SOX5: variants seen among roughly 807,000 people sequenced by gnomAD.
The protein encoded by SOX5 is transcription factor SOX-5.
A neutral mutation model predicts 92.0 loss-of-function variants in SOX5; 9 were observed. The observed-to-expected ratio is 0.10, with a 90% CI of 0.06 to 0.17. SOX5 has a LOEUF of 0.17. SOX5 is among the 10% of genes least tolerant of loss of function. The pLI is 1.00. For missense variants in SOX5, 642 were observed against 944.5 expected (o/e 0.68, Z 4.20); for synonymous variants, 344 against 336.3 (o/e 1.02, Z -0.25).
At position 24,524,634 on chromosome 12, in the gene SOX5, C is replaced by G. The variant is rs1950545856; in HGVS notation, c.-251+37695G>C. Reference sequence around the variant, plus strand: ...ACCATAATGAGATCTCACCTCACACCTGTCAGGACGGCTAGCATCAAAAAA... The same window carrying G: ...ACCATAATGAGATCTCACCTCACACGTGTCAGGACGGCTAGCATCAAAAAA... On this transcript the variant is annotated intron_variant, in intron 1 of 4. Coordinates refer to the SOX5 transcript ENST00000446891. 3.3e-5 allele frequency among the ~76,000 whole-genome samples: 5 copies of G among 152,108 alleles called. No individual in the cohort carries two copies. The South Asian group carries it at 1.0e-3, about 31-fold the overall frequency.
intron 4 of SOX5, among the ~76,000 whole-genome samples, chr12:23,751,771 T>A (rs1283300220): frequency 1.3e-5 from 2 of 151,912 alleles, no homozygotes; most frequent in Non-Finnish European, 2.9e-5. Context: ...TCTTCTAGAA[T>A]ACACAAAATT....
intron 1 of SOX5, among the ~76,000 whole-genome samples, chr12:24,417,292 GT>G: frequency 6.6e-6 from 1 of 152,320 alleles, no homozygotes; most frequent in South Asian, 2.1e-4. Flanking sequence ...TTTGAGGCAG[GT>G]TTTTGTCTAA....
intron 3 of SOX5, among the ~76,000 whole-genome samples, chr12:24,234,899 T>C (rs1964147410): frequency 6.6e-6 from 1 of 152,038 alleles, no homozygotes; most frequent in South Asian, 2.1e-4. Flanking sequence ...TAGCATCTAG[T>C]GGGCACAAGC....
chr12:24,511,414 G>A (rs1284659069), intron 1 of SOX5, among the ~76,000 whole-genome samples: 1 of 152,036 alleles, frequency 6.6e-6, no homozygotes, highest in South Asian at 2.1e-4. Context: ...CATTAACATG[G>A]GAATTAATGA....
intron 2 of SOX5, among the ~76,000 whole-genome samples, chr12:23,883,428 G>A (rs1031934008): frequency 6.6e-6 from 1 of 152,102 alleles, no homozygotes; most frequent in Non-Finnish European, 1.5e-5. Context: ...CTTTTGTTCT[G>A]ATAAATAATC....
chr12:24,319,775 A>G (rs1950038526), intron 2 of SOX5, among the ~76,000 whole-genome samples: 1 of 152,162 alleles, frequency 6.6e-6, no homozygotes, highest in African/African-American at 2.4e-5. Flanking sequence ...TCCCTCTTTC[A>G]TCTCCTAAGG....
At chr12:23,718,626 A>G (rs1158728874) in intron 6 of SOX5, among the ~76,000 whole-genome samples, 1 of 152,150 alleles carries the variant, frequency 6.6e-6, no homozygotes, top group Non-Finnish European at 1.5e-5. Context: ...CTGTTTTCCT[A>G]TTATTATTTC....
chr12:24,199,788 G>A (rs985522398), intron 4 of SOX5, among the ~76,000 whole-genome samples: 6 of 152,136 alleles, frequency 3.9e-5, no homozygotes, highest in African/African-American at 7.2e-5. Flanking sequence ...ATCAAAAGAC[G>A]TTTGCAATCC....
intron 1 of SOX5, among the ~76,000 whole-genome samples, chr12:24,427,998 G>A (rs1428340171): frequency 6.6e-6 from 1 of 152,114 alleles, no homozygotes. Flanking sequence ...AAAACAAACA[G>A]CAGAGGTGTG....
intron 2 of SOX5, among the ~76,000 whole-genome samples, chr12:23,861,226 C>T (rs1186023783): frequency 6.6e-6 from 1 of 151,962 alleles, no homozygotes; most frequent in African/African-American, 2.4e-5. Flanking sequence ...GTGTGTCCTG[C>T]CTCTAAAATC....
At chr12:23,836,731 T>C (rs1403120750) in intron 3 of SOX5, among the ~76,000 whole-genome samples, 1 of 151,942 alleles carries the variant, frequency 6.6e-6, no homozygotes, top group East Asian at 1.9e-4. Context: ...TCATAATGAT[T>C]TAGCTGGGGC....
rs146555573 is a variant in SOX5 at position 24,517,308 on chromosome 12, A to G, written c.-251+45021T>C. ...AAGATCTAAAATCATTCACAACTCAACACAACCAAGCAGCCCCTAATACAG... is the reference window on the plus strand; with the variant it reads ...AAGATCTAAAATCATTCACAACTCAGCACAACCAAGCAGCCCCTAATACAG... On this transcript the variant is annotated intron_variant, in intron 1 of 4. Coordinates refer to the SOX5 transcript ENST00000446891. 8.0e-3 allele frequency among the ~76,000 whole-genome samples: 1,215 copies of G among 152,260 alleles called. 9 individuals carry two copies. Among genetic ancestry groups the G allele is most frequent in the South Asian group, 0.019 (90 of 4,820 alleles).
At chr12:24,106,639 A>T (rs1946702496) in intron 4 of SOX5, among the ~76,000 whole-genome samples, 2 of 151,750 alleles carry the variant, frequency 1.3e-5, no homozygotes, top group Admixed American at 1.3e-4. Context: ...TAAAAATACA[A>T]AACTTACCTG....
At chr12:24,045,958 A>G (rs1030793701) in intron 4 of SOX5, among the ~76,000 whole-genome samples, 1 of 152,172 alleles carries the variant, frequency 6.6e-6, no homozygotes, top group East Asian at 1.9e-4. Flanking sequence ...TCTGTATTCA[A>G]CGGAGGCTTG....
intron 4 of SOX5, among the ~76,000 whole-genome samples, chr12:24,161,542 T>C (rs1018790864): frequency 1.3e-5 from 2 of 152,008 alleles, no homozygotes; most frequent in Middle Eastern, 3.2e-3. Context: ...TAAATAATAA[T>C]AGTTGGATAG....
chr12:23,653,034 G>A (rs746928589), intron 7 of SOX5, among the ~76,000 whole-genome samples: 1 of 59,866 alleles, frequency 1.7e-5, no homozygotes, highest in Admixed American at 1.7e-4. Flanking sequence ...ACAGATAGAT[G>A]GATGGATGGA....
intron 1 of SOX5, among the ~76,000 whole-genome samples, chr12:24,554,569 G>A (rs1207107202): frequency 6.6e-6 from 1 of 152,024 alleles, no homozygotes; most frequent in Non-Finnish European, 1.5e-5. Context: ...ATCCTCCTTG[G>A]ATTCCAAAGT....
At chr12:23,852,748 G>A (rs993640131) in intron 2 of SOX5, among the ~76,000 whole-genome samples, 3 of 151,992 alleles carry the variant, frequency 2.0e-5, no homozygotes, top group African/African-American at 7.2e-5. Context: ...ATTCGCAAAC[G>A]GTGGTCCTCA....
chr12:24,242,129 T>C (rs763190845), intron 3 of SOX5, among the ~76,000 whole-genome samples: 7 of 152,126 alleles, frequency 4.6e-5, no homozygotes, highest in Non-Finnish European at 8.8e-5. Flanking sequence ...ACCTCAAAGA[T>C]TTGCACAGAA....
Sources: gnomAD v4.1 joint callset for allele counts (sites outside exome capture counted in the v4.1 genomes callset) on GRCh38, gnomAD v4.1.1 for gene constraint, MANE v1.5 for transcripts, NCBI Gene and HGNC (gene_info 2026-07-23, HGNC 2026-07-21) for gene names.